Variants in CSMD1 observed in about 807,000 individuals in gnomAD.
CSMD1 encodes the protein CUB and sushi domain-containing protein 1.
In CSMD1, 213 loss-of-function variants were observed where a neutral mutation model predicts 417.5. The ratio of observed to expected loss-of-function variants is 0.51; its 90% confidence interval spans 0.46 to 0.57. The LOEUF (loss-of-function observed/expected upper bound fraction) is 0.57. CSMD1 is among the 20% of genes least tolerant of loss of function. The probability of loss-of-function intolerance (pLI) is 0.00; values close to 1 mark genes in which losing one functional copy is unlikely to be tolerated. For missense variants in CSMD1, 6,923 were observed against 4,529.7 expected (o/e 1.53, Z -15.17); for synonymous variants, 2,862 against 1,736.8 (o/e 1.65, Z -16.11).
chr8:4,458,993 C>CG (rs1173836802), intron 2 of CSMD1, among the ~76,000 whole-genome samples: 1 of 152,186 alleles, frequency 6.6e-6, no homozygotes, highest in African/African-American at 2.4e-5. Context: ...TGAGGATTCA[C>CG]GTTTGTGCAG....
chr8:3,945,652 T>C (rs573849513), intron 5 of CSMD1, among the ~76,000 whole-genome samples: 26 of 152,110 alleles, frequency 1.7e-4, no homozygotes, highest in Non-Finnish European at 3.5e-4. Context: ...AAGCCTGATG[T>C]ATTATTTTAC....
At chr8:4,729,218 G>A (rs908342448) in intron 1 of CSMD1, among the ~76,000 whole-genome samples, 5 of 151,978 alleles carry the variant, frequency 3.3e-5, no homozygotes, top group African/African-American at 9.7e-5. Context: ...TAAATAAAGA[G>A]GGCATTATCA....
intron 5 of CSMD1, among the ~76,000 whole-genome samples, chr8:3,881,922 T>C (rs994404958): frequency 6.6e-6 from 1 of 152,158 alleles, no homozygotes; most frequent in African/African-American, 2.4e-5. Flanking sequence ...GTTACCTGGA[T>C]TCTTTATAAT....
At chr8:3,341,899 T>C (rs7013730) in intron 23 of CSMD1, among the ~76,000 whole-genome samples, 49,975 of 152,010 alleles carry the variant, frequency 0.33, 9,616 homozygotes, top group African/African-American at 0.54. Flanking sequence ...ACATTGAACA[T>C]CTCGACAGGG....
intron 3 of CSMD1, among the ~76,000 whole-genome samples, chr8:4,259,261 G>A (rs1803705333): frequency 6.6e-6 from 1 of 152,114 alleles, no homozygotes; most frequent in Admixed American, 6.5e-5. Flanking sequence ...TCCTAAACAA[G>A]CAACCCCCCT....
chr8:3,062,071 G>C (rs112558722), intron 49 of CSMD1, among the ~76,000 whole-genome samples: 311 of 152,170 alleles, frequency 2.0e-3, no homozygotes, highest in African/African-American at 7.2e-3. Flanking sequence ...CAATCACTTA[G>C]AAATACATTT....
chr8:3,332,226 T>G (rs1013871177), intron 23 of CSMD1, among the ~76,000 whole-genome samples: 2 of 152,258 alleles, frequency 1.3e-5, no homozygotes, highest in African/African-American at 4.8e-5. Context: ...TGACTTTTCC[T>G]TAAAACGTCA....
intron 5 of CSMD1, among the ~76,000 whole-genome samples, chr8:3,811,524 G>A (rs545540790): frequency 1.3e-5 from 2 of 152,218 alleles, no homozygotes; most frequent in East Asian, 3.9e-4. Context: ...GTTCCCTGGT[G>A]TTCCTTGACA....
intron 5 of CSMD1, among the ~76,000 whole-genome samples, chr8:3,842,827 A>G (rs1803220845): frequency 6.6e-6 from 1 of 152,246 alleles, no homozygotes; most frequent in Admixed American, 6.5e-5. Context: ...ATACATTAGC[A>G]GATGGCTGCT....
At chr8:3,096,409 T>C (rs186863476) in intron 47 of CSMD1, among the ~76,000 whole-genome samples, 1 of 152,272 alleles carries the variant, frequency 6.6e-6, no homozygotes, top group East Asian at 1.9e-4. Context: ...ATCTGATGGT[T>C]TTAAAAATGG....
At chr8:4,265,316 G>A (rs927256723) in intron 3 of CSMD1, among the ~76,000 whole-genome samples, 10 of 151,928 alleles carry the variant, frequency 6.6e-5, no homozygotes, top group African/African-American at 1.2e-4. Context: ...TATACGTTAG[G>A]GAAAAATTCT....
intron 3 of CSMD1, among the ~76,000 whole-genome samples, chr8:4,246,757 G>C (rs991160059): frequency 4.6e-5 from 7 of 152,078 alleles, no homozygotes; most frequent in African/African-American, 1.4e-4. Context: ...AAAGAAAACA[G>C]GATCAAGAAG....
At chr8:3,439,319 TTAA>T (rs1481910494) in intron 12 of CSMD1, among the ~76,000 whole-genome samples, 4 of 87,092 alleles carry the variant, frequency 4.6e-5, no homozygotes, top group African/African-American at 1.7e-4. Context: ...ATTTTTTTTT[TTAA>T]TATGTATTTT....
chr8:4,078,914 T>TATATATAC (rs1799977018), intron 3 of CSMD1, among the ~76,000 whole-genome samples: 1 of 65,780 alleles, frequency 1.5e-5, no homozygotes, highest in African/African-American at 4.9e-5. Flanking sequence ...TATATATATA[T>TATATATAC]ATATATATAT....
chr8:3,366,927 A>G, intron 20 of CSMD1, 105 bp downstream of exon 20: 1 of 891,210 alleles, frequency 1.1e-6, no homozygotes. Context: ...ACAAACACAC[A>G]CGGATGCACA....
intron 26 of CSMD1, among the ~76,000 whole-genome samples, chr8:3,243,732 A>G (rs1190980146): frequency 6.6e-6 from 1 of 151,434 alleles, no homozygotes; most frequent in East Asian, 1.9e-4. Flanking sequence ...TTATTTATGA[A>G]AATTACAAAT....
In CSMD1 at chr8:3,364,394, G is replaced by T. The variant is rs552095549; in HGVS notation, c.3115+2638C>A. Among the ~76,000 whole-genome samples the T allele has an allele frequency of 2.8e-4, 42 of 152,198 alleles. No homozygotes were observed. In the South Asian group the frequency reaches 6.2e-3, roughly 23 times the overall value. ...AGGCTTTAGGTATTATTTTCTACTGGTTATGTTTAAATGAATTGTTCTGAA... is the reference window on the plus strand; with the variant it reads ...AGGCTTTAGGTATTATTTTCTACTGTTTATGTTTAAATGAATTGTTCTGAA... On this transcript the variant is annotated intron_variant, in intron 20 of 69. Transcript: ENST00000635120.
intron 3 of CSMD1, among the ~76,000 whole-genome samples, chr8:4,287,495 A>G (rs1797123747): frequency 6.6e-6 from 1 of 152,068 alleles, no homozygotes; most frequent in South Asian, 2.1e-4. Context: ...TTTACATTCT[A>G]AGACTTAATA....
intron 23 of CSMD1, among the ~76,000 whole-genome samples, chr8:3,337,953 C>G (rs1807380521): frequency 6.6e-6 from 1 of 152,170 alleles, no homozygotes; most frequent in South Asian, 2.1e-4. Flanking sequence ...TAGGTTTTCC[C>G]TAATGAGCCT....
Sources: gnomAD v4.1 joint callset for allele counts (sites outside exome capture counted in the v4.1 genomes callset) on GRCh38, gnomAD v4.1.1 for gene constraint, MANE v1.5 for transcripts, NCBI Gene and HGNC (gene_info 2026-07-23, HGNC 2026-07-21) for gene names.